UGT8: variants seen among roughly 807,000 people sequenced by gnomAD.
UGT8 encodes 2-hydroxyacylsphingosine 1-beta-galactosyltransferase.
Under a neutral mutation model 40.5 loss-of-function variants are expected in UGT8, and 12 were observed. The observed-to-expected ratio is 0.30, with a 90% CI of 0.19 to 0.48. The LOEUF is 0.48. Ranked by LOEUF, UGT8 falls within the 20% of genes least tolerant of loss-of-function variation. UGT8 has a pLI of 0.99. For synonymous variants in UGT8, 224 were observed against 240.4 expected (o/e 0.93, Z 0.63); for missense variants, 513 against 648.7 (o/e 0.79, Z 2.27).
At chr4:114,607,273 G>A (rs1432091864) in intron 1 of UGT8, among the ~76,000 whole-genome samples, 1 of 152,126 alleles carries the variant, frequency 6.6e-6, no homozygotes, top group Non-Finnish European at 1.5e-5. Flanking sequence ...CCTAGAACAA[G>A]TTTTGGAACT....
In UGT8 at chr4:114,616,946, C is replaced by T. The variant is rs921174584; in HGVS notation, c.-2-5933C>T. Among the ~76,000 whole-genome samples, 5 of 152,118 alleles carry T rather than the reference C, an allele frequency of 3.3e-5. No individual in the cohort carries two copies. The East Asian group carries it at 9.6e-4, about 29-fold the overall frequency. On this transcript the variant is annotated intron_variant, in intron 1 of 5. Coordinates refer to ENST00000310836, the MANE Select transcript of UGT8 (RefSeq NM_001128174.3). ...CTAATCTAACTTGTTTTCTGGAGCTCTAAGGGTTTAAAACCTTTCCTTTGT... is the reference window on the plus strand; with the variant it reads ...CTAATCTAACTTGTTTTCTGGAGCTTTAAGGGTTTAAAACCTTTCCTTTGT...
chr4:114,622,407 A>G (rs1441565723), intron 1 of UGT8: 3 of 152,938 alleles, frequency 2.0e-5, no homozygotes, highest in Non-Finnish European at 4.4e-5. Flanking sequence ...TAGTGCCGCA[A>G]TAAACATACG....
intron 5 of UGT8, 53 bp downstream of exon 5, chr4:114,668,357 G>T (rs1735024891): frequency 7.1e-7 from 1 of 1,408,288 alleles, no homozygotes; most frequent in African/African-American, 1.4e-5. Flanking sequence ...ACAGTATATT[G>T]TCAGTAGCCA....
At chr4:114,673,374 T>C (rs866044226) in intron 5 of UGT8, among the ~76,000 whole-genome samples, 2 of 152,202 alleles carry the variant, frequency 1.3e-5, no homozygotes, top group African/African-American at 2.4e-5. Flanking sequence ...CTGAACAGAA[T>C]AGTCATACAA....
chr4:114,636,424 A>G (rs1450587226), intron 2 of UGT8, among the ~76,000 whole-genome samples: 1 of 152,222 alleles, frequency 6.6e-6, no homozygotes, highest in East Asian at 1.9e-4. Flanking sequence ...AACCGGACAA[A>G]GCATACCCAG....
At chr4:114,639,048 C>T (rs1272672328) in intron 2 of UGT8, among the ~76,000 whole-genome samples, 1 of 152,210 alleles carries the variant, frequency 6.6e-6, no homozygotes. Flanking sequence ...CTGCAAGAGA[C>T]TCCATTAGAT....
chr4:114,635,944 A>G lies in UGT8; in HGVS notation c.822+12242A>G, dbSNP rs1018814221. On this transcript the variant is annotated intron_variant, in intron 2 of 5. Coordinates refer to ENST00000310836, the MANE Select transcript of UGT8 (RefSeq NM_001128174.3). Reference sequence around the variant, plus strand: ...TTATTTATGTACTAGATTATATACAACTTTTCATATGAATACAAAAAAGCT... The same window carrying G: ...TTATTTATGTACTAGATTATATACAGCTTTTCATATGAATACAAAAAAGCT... 3.3e-5 allele frequency among the ~76,000 whole-genome samples: 5 copies of G among 152,304 alleles called. No homozygotes were observed. In the East Asian group the frequency reaches 9.6e-4, roughly 29 times the overall value.
At chr4:114,673,657 G>A (rs987942036) in intron 5 of UGT8, among the ~76,000 whole-genome samples, 3 of 152,170 alleles carry the variant, frequency 2.0e-5, no homozygotes, top group Non-Finnish European at 4.4e-5. Context: ...TGACATTAAG[G>A]TACCTGAAGA....
In UGT8 at chr4:114,640,033, GT is replaced by G. The variant is rs5861187; in HGVS notation, c.822+16346del. Among the ~76,000 whole-genome samples, 1,194 of 139,206 alleles carry G rather than the reference GT, an allele frequency of 8.6e-3. 11 individuals are homozygous for G. Among genetic ancestry groups the G allele is most frequent in the African/African-American group, 0.02 (773 of 37,748 alleles). 91.3% of individuals were successfully genotyped at this position (139,206 alleles called of 152,430 possible). A position where few individuals can be genotyped will look rare whatever the true frequency, so the allele number is the denominator to read the frequency against. On this transcript the variant is annotated intron_variant, in intron 2 of 5. Transcript: ENST00000310836. ...GTTTCATGTAAAAATATGTTTGTTT[GT>G]TTTTTTTTTTTTTTGAGACGGAGTC...
intron 1 of UGT8, among the ~76,000 whole-genome samples, chr4:114,616,541 T>G (rs1052328467): frequency 3.3e-5 from 5 of 152,268 alleles, no homozygotes; most frequent in Middle Eastern, 3.4e-3. Flanking sequence ...TGACCCCCTG[T>G]GCTTCCCAGG....
chr4:114,643,979 T>C lies in UGT8; in HGVS notation c.823-20016T>C, dbSNP rs1733391256. Among the ~76,000 whole-genome samples, 3 of 152,286 alleles carry C rather than the reference T, an allele frequency of 2.0e-5. No individual in the cohort carries two copies. The East Asian group carries it at 5.8e-4, about 29-fold the overall frequency. On this transcript the variant is annotated intron_variant, in intron 2 of 5. Transcript: ENST00000310836. ...TTGCTGTGACCTCGCGTGTGAACAA[T>C]TGCAGCGCCTACTACCCTGTTTTCC...
rs1731984011 is a variant in UGT8 at position 114,623,553 on chromosome 4, C to G, written c.673C>G (p.Leu225Val). The G allele has an allele frequency of 1.9e-6, 3 of 1,614,094 alleles. No individual in the cohort carries two copies. Among genetic ancestry groups the G allele is most frequent in the Non-Finnish European group, 2.5e-6 (3 of 1,180,010 alleles). ...YERIMQKYNL[L>V]PEKSMYDLVH... ...AAGGATAATGCAGAAGTACAACCTG[C>G]TGCCAGAGAAGTCCATGTATGATTT... is the stretch of plus-strand genomic sequence containing the variant. The change falls in exon 2 of 6, where the codon CTG becomes GTG. Residue 225 changes from leucine (L) to valine (V), a missense_variant. Physicochemically the swap from Leu to Val is conservative, Grantham distance 32. Around this residue, in one of 3 missense-constraint regions of UGT8, gnomAD observed 335 missense variants for 444.8 expected, o/e 0.75. Coordinates refer to ENST00000310836, the MANE Select transcript of UGT8 (RefSeq NM_001128174.3).
At chr4:114,602,290 C>G (rs1014976342) in intron 1 of UGT8, among the ~76,000 whole-genome samples, 22 of 152,292 alleles carry the variant, frequency 1.4e-4, no homozygotes, top group African/African-American at 5.3e-4. Flanking sequence ...GCCATTGAAA[C>G]TTACTAACTA....
rs758379102 is a variant in UGT8 at position 114,623,080 on chromosome 4, A to G, written c.200A>G (p.His67Arg). 3 of 1,613,992 alleles carry G rather than the reference A, an allele frequency of 1.9e-6. No individual in the cohort carries two copies. The African/African-American group carries it at 4.0e-5, about 22-fold the overall frequency. The change falls in exon 2 of 6, where the codon CAT becomes CGT. Residue 67 changes from histidine to arginine, a missense_variant. His to Arg is a conservative substitution (Grantham distance 29). Coordinates refer to ENST00000310836, the MANE Select transcript of UGT8 (RefSeq NM_001128174.3). ...SEGRDIAPSN[H>R]YSLQRYPGIF... is the part of the protein sequence containing the mutation. ...GGCAGAGACATCGCCCCATCTAATC[A>G]TTACAGCCTCCAGCGCTACCCAGGG...
chr4:114,656,440 G>A (rs1734190924), intron 2 of UGT8, among the ~76,000 whole-genome samples: 1 of 152,068 alleles, frequency 6.6e-6, no homozygotes, highest in African/African-American at 2.4e-5. Context: ...AAGTTCTAGG[G>A]AAACGACAGT....
chr4:114,625,824 A>G (rs1732177997), intron 2 of UGT8, among the ~76,000 whole-genome samples: 1 of 152,116 alleles, frequency 6.6e-6, no homozygotes, highest in African/African-American at 2.4e-5. Flanking sequence ...GACATAAGGT[A>G]TTACTCAAAA....
chr4:114,653,076 C>T (rs376420318), intron 2 of UGT8, among the ~76,000 whole-genome samples: 2 of 151,834 alleles, frequency 1.3e-5, no homozygotes, highest in Admixed American at 6.6e-5. Flanking sequence ...TTGTTGCAAA[C>T]GAGTTTACTT....
intron 1 of UGT8, among the ~76,000 whole-genome samples, chr4:114,614,840 CT>C (rs68162513): frequency 0.62 from 61,441 of 98,392 alleles, 17,121 homozygotes; most frequent in East Asian, 0.82. Context: ...AGGTGCCAGA[CT>C]TTTTTTTTTT....
At chr4:114,657,047 G>A (rs185301595) in intron 2 of UGT8, among the ~76,000 whole-genome samples, 18 of 152,048 alleles carry the variant, frequency 1.2e-4, no homozygotes, top group African/African-American at 3.9e-4. Context: ...CTTTTGTAAC[G>A]TAAGAAAGAT....
Sources: allele counts gnomAD v4.1 joint callset (sites outside exome capture counted in the v4.1 genomes callset), GRCh38; gene constraint gnomAD v4.1.1; regional missense constraint gnomAD v4.1.1; transcripts MANE v1.5; gene names NCBI Gene and HGNC (gene_info 2026-07-23, HGNC 2026-07-21).